Variants in PSMA6 observed in about 807,000 individuals in gnomAD.
PSMA6 encodes proteasome 20S subunit alpha 6, also known as proteasome subunit alpha type-6.
For missense variants in PSMA6, 170 were observed against 294.8 expected (o/e 0.58, Z 3.10); for synonymous variants, 88 against 97.7 (o/e 0.90, Z 0.59).
chr14:35,297,124 T>TG lies in PSMA6; in HGVS notation c.76+4572_76+4573insG, dbSNP rs1267512137. On this transcript the variant is annotated intron_variant, in intron 1 of 6. Coordinates refer to ENST00000261479, the MANE Select transcript of PSMA6 (RefSeq NM_002791.3). ...TTCAAAAAAATCTTAACAAAGTTTT[T>TG]TTTTTTTTTTTTTTTTTTTTTTGCC... 7.2e-3 allele frequency among the ~76,000 whole-genome samples: 1,014 copies of TG among 140,036 alleles called. 6 individuals carry two copies. Among genetic ancestry groups the TG allele is most frequent in the Non-Finnish European group, 0.014 (829 of 61,384 alleles). 91.9% of individuals were successfully genotyped at this position (140,036 alleles called of 152,430 possible).
intron 1 of PSMA6, among the ~76,000 whole-genome samples, chr14:35,299,061 C>G (rs1473098343): frequency 2.0e-5 from 3 of 152,150 alleles, no homozygotes; most frequent in African/African-American, 7.2e-5. Flanking sequence ...GGGTCTCACT[C>G]TGTCGCCCAG....
chr14:35,296,626 G>A (rs184437262), intron 1 of PSMA6, among the ~76,000 whole-genome samples: 3 of 152,102 alleles, frequency 2.0e-5, no homozygotes, highest in East Asian at 3.9e-4. Flanking sequence ...ACCATGCCCC[G>A]CCTTCAATTA....
At chr14:35,284,258 C>G (rs2051398089) in intron 1 of PSMA6, among the ~76,000 whole-genome samples, 2 of 152,186 alleles carry the variant, frequency 1.3e-5, no homozygotes, top group Non-Finnish European at 1.5e-5. Flanking sequence ...TTATGCCACT[C>G]CCATTCCATG....
intron 1 of PSMA6, among the ~76,000 whole-genome samples, chr14:35,281,414 G>T (rs1407384150): frequency 2.0e-5 from 3 of 152,132 alleles, no homozygotes; most frequent in Non-Finnish European, 2.9e-5. Flanking sequence ...AAGTGGGGAA[G>T]ATGGGCCATC....
intron 1 of PSMA6, among the ~76,000 whole-genome samples, chr14:35,304,604 C>T (rs779500066): frequency 6.6e-6 from 1 of 152,032 alleles, no homozygotes; most frequent in Non-Finnish European, 1.5e-5. Context: ...GTTGTGCACA[C>T]CTGTAATCCC....
At chr14:35,292,678 G>A (rs887047641) in intron 1 of PSMA6, 126 bp downstream of exon 1, 5 of 1,478,344 alleles carry the variant, frequency 3.4e-6, no homozygotes, top group South Asian at 2.7e-5. Context: ...AAGGGAGAAC[G>A]GCTGAAGCTG....
chr14:35,286,479 A>G (rs1438870480), intron 1 of PSMA6, among the ~76,000 whole-genome samples: 1 of 152,244 alleles, frequency 6.6e-6, no homozygotes, highest in Non-Finnish European at 1.5e-5. Context: ...CTTGGCTTCC[A>G]GAAACAAGAA....
intron 5 of PSMA6, 133 bp from the exon 6 acceptor site, chr14:35,314,228 C>A (rs2051996666): frequency 1.9e-6 from 2 of 1,064,706 alleles, no homozygotes; most frequent in Admixed American, 7.5e-5. Context: ...GTTAAGCAGT[C>A]TGTTAGTAAC....
chr14:35,301,613 T>C (rs1252494243), intron 1 of PSMA6, among the ~76,000 whole-genome samples: 1 of 152,196 alleles, frequency 6.6e-6, no homozygotes, highest in Non-Finnish European at 1.5e-5. Flanking sequence ...ATTGCAAATA[T>C]AGAACATTGC....
chr14:35,302,211 G>T (rs1286639349), intron 1 of PSMA6, among the ~76,000 whole-genome samples: 1 of 152,052 alleles, frequency 6.6e-6, no homozygotes, highest in Admixed American at 6.6e-5. Context: ...ACCAGTTTTT[G>T]ACTTAGCTGG....
intron 1 of PSMA6, among the ~76,000 whole-genome samples, chr14:35,278,886 G>T (rs183072481): frequency 5.3e-5 from 8 of 151,936 alleles, no homozygotes; most frequent in Non-Finnish European, 1.0e-4. Context: ...TTGCTATTAA[G>T]TTGTTGTACG....
intron 1 of PSMA6, among the ~76,000 whole-genome samples, chr14:35,303,474 C>T (rs1398653501): frequency 6.6e-6 from 1 of 152,172 alleles, no homozygotes; most frequent in Non-Finnish European, 1.5e-5. Flanking sequence ...GGGAGTTCAG[C>T]CTTTACTGCT....
chr14:35,294,399 G>C (rs910108576), intron 1 of PSMA6, among the ~76,000 whole-genome samples: 1 of 152,200 alleles, frequency 6.6e-6, no homozygotes, highest in African/African-American at 2.4e-5. Context: ...GCATTAATTA[G>C]ACATTGTTAG....
At chr14:35,310,399 G>A (rs907787743) in intron 3 of PSMA6, 10 of 347,146 alleles carry the variant, frequency 2.9e-5, no homozygotes, top group African/African-American at 2.0e-4. Flanking sequence ...CAAGTGATCC[G>A]CCTCTCTTGG....
intron 1 of PSMA6, among the ~76,000 whole-genome samples, chr14:35,285,344 AAAACAAAAAAC>A (rs1290031150): frequency 2.9e-5 from 1 of 34,598 alleles, no homozygotes; most frequent in African/African-American, 4.7e-5. Flanking sequence ...TATCTCAAAA[AAAACAAAAAAC>A]AAAAAAAAAA....
chr14:35,313,396 C>T (rs777498200), intron 5 of PSMA6: 27 of 188,770 alleles, frequency 1.4e-4, no homozygotes, highest in Middle Eastern at 2.1e-3. Context: ...TCTAGGTGTT[C>T]GAGGCCAGTC....
chr14:35,314,466 T>C lies in PSMA6; in HGVS notation c.683+11T>C, dbSNP rs770776868. The C allele has an allele frequency of 1.2e-6, 2 of 1,607,240 alleles. No individual in the cohort carries two copies. The highest frequency in any genetic ancestry group is 1.7e-5 in the Admixed American group (1 of 59,632). On this transcript the variant is annotated intron_variant, in intron 6 of 6. Coordinates refer to ENST00000261479, the MANE Select transcript of PSMA6 (RefSeq NM_002791.3). ...AAATCCTAAATTCAGGTGAGTGATA[T>C]TGTGGGCCACATGCAGACTAGAAAG... is the stretch of plus-strand genomic sequence containing the variant.
Position 35,292,441 on chromosome 14 carries a change from C to A in PSMA6, c.-36C>A. ...TGTGCCTGGTGCGGGAGCTACGGGG[C>A]CCAGGGATTGTGTTTAAAGTAGTGC... On this transcript the variant is annotated 5_prime_UTR_variant, in exon 1 of 7. Transcript: ENST00000261479. 1 of 1,599,120 alleles carries A rather than the reference C, an allele frequency of 6.3e-7. No individual in the cohort carries two copies. Among genetic ancestry groups the A allele is most frequent in the South Asian group, 1.1e-5 (1 of 89,488 alleles).
At chr14:35,313,109 A>G in intron 5 of PSMA6, 50 bp downstream of exon 5, 1 of 1,431,860 alleles carries the variant, frequency 7.0e-7, no homozygotes, top group African/African-American at 1.5e-5. Flanking sequence ...TAGAACAGTG[A>G]GGATCTTTGT....
Sources: gnomAD v4.1 joint callset for allele counts (sites outside exome capture counted in the v4.1 genomes callset) on GRCh38, gnomAD v4.1.1 for gene constraint, MANE v1.5 for transcripts, NCBI Gene and HGNC (gene_info 2026-07-23, HGNC 2026-07-21) for gene names.